The following PLEKHH2 variants were observed in gnomAD, a reference collection of about 807,000 sequenced individuals.
The protein encoded by PLEKHH2 is pleckstrin homology domain-containing family H member 2.
A neutral mutation model predicts 187.9 loss-of-function variants in PLEKHH2; 129 were observed. The ratio of observed to expected loss-of-function variants is 0.69; its 90% CI spans 0.59 to 0.79. PLEKHH2 has a LOEUF of 0.79. PLEKHH2 is among the 30% of genes least tolerant of loss of function. The pLI is 0.00. For synonymous variants in PLEKHH2, 686 were observed against 605.6 expected (o/e 1.13, Z -1.95); for missense variants, 2,076 against 1,751.2 (o/e 1.19, Z -3.31).
At position 43,732,800 on chromosome 2, in the gene PLEKHH2, C is replaced by G. The variant is rs1241492119; in HGVS notation, c.2943+1198C>G. On this transcript the variant is annotated intron_variant, in intron 19 of 29. Coordinates refer to ENST00000282406, the MANE Select transcript of PLEKHH2 (RefSeq NM_172069.4). ...TCCTTGGGACCCATAATTCCATGTA[C>G]TCTTCAGCCAGATCCCAACCTAGAT... 2.0e-5 allele frequency among the ~76,000 whole-genome samples: 3 copies of G among 152,084 alleles called. No homozygotes were observed. In the East Asian group the frequency reaches 5.8e-4, roughly 29 times the overall value.
At chr2:43,713,845 G>C (rs1670085484) in intron 15 of PLEKHH2, among the ~76,000 whole-genome samples, 1 of 152,024 alleles carries the variant, frequency 6.6e-6, no homozygotes. Context: ...CTACTGTGTA[G>C]TTTATACTTA....
At position 43,697,283 on chromosome 2, in the gene PLEKHH2, A is replaced by G; in HGVS notation, c.615A>G (p.Gln205=). 6.2e-7 allele frequency: 1 copy of G among 1,613,840 alleles called. No individual in the cohort carries two copies. The highest frequency in any genetic ancestry group is 8.5e-7 in the Non-Finnish European group (1 of 1,179,718). ...CFLSRARSPP[Q]VVKSEEMSKI... ...TATCTCGAGCAAGGAGTCCTCCTCA[A>G]GTAGTAAAATCTGAGGAAATGAGCA... is the stretch of plus-strand genomic sequence containing the variant. Residue 205 remains glutamine (Q), a synonymous_variant, in exon 7 of 30, where the codon CAA becomes CAG. Coordinates refer to ENST00000282406, the MANE Select transcript of PLEKHH2 (RefSeq NM_172069.4).
Position 43,738,387 on chromosome 2 carries a change from AT to A in PLEKHH2, c.2992del (p.Tyr998ThrfsTer5), listed in dbSNP as rs1395411197. 6.2e-7 allele frequency: 1 copy of A among 1,613,462 alleles called. No individual in the cohort carries two copies. The highest frequency in any genetic ancestry group is 8.5e-7 in the Non-Finnish European group (1 of 1,179,672). Reference sequence around the variant, plus strand: ...GCTGCAGTTGACTCTCCTGCAATTGATTACCACATATCTTTAGCCCAGAGTG... The same window carrying A: ...GCTGCAGTTGACTCTCCTGCAATTGATACCACATATCTTTAGCCCAGAGTG... ...INAAVDSPAI[D>X]YHISLAQSAL... On this transcript the variant is annotated frameshift_variant, in exon 20 of 30. Coordinates refer to ENST00000282406, the MANE Select transcript of PLEKHH2 (RefSeq NM_172069.4). LOFTEE classifies it high-confidence loss of function.
chr2:43,735,549 A>G (rs896586490), intron 19 of PLEKHH2, among the ~76,000 whole-genome samples: 19 of 152,216 alleles, frequency 1.2e-4, no homozygotes, highest in African/African-American at 3.4e-4. Flanking sequence ...GACTTAGAGT[A>G]TATTTCAAAA....
chr2:43,691,592 G>A (rs1668798202), intron 3 of PLEKHH2, among the ~76,000 whole-genome samples: 1 of 152,142 alleles, frequency 6.6e-6, no homozygotes, highest in African/African-American at 2.4e-5. Context: ...TGAAGGTTGG[G>A]TTTCACCAGG....
intron 2 of PLEKHH2, among the ~76,000 whole-genome samples, chr2:43,654,549 C>T (rs1394600329): frequency 7.0e-6 from 1 of 142,950 alleles, no homozygotes; most frequent in Non-Finnish European, 1.5e-5. Flanking sequence ...CCACTTAAAA[C>T]TCTTAACTCC....
At chr2:43,651,837 T>C (rs1444004394) in intron 2 of PLEKHH2, among the ~76,000 whole-genome samples, 1 of 152,222 alleles carries the variant, frequency 6.6e-6, no homozygotes, top group African/African-American at 2.4e-5. Context: ...TAAACACTAA[T>C]TTGAATTTTT....
At position 43,764,399 on chromosome 2, in the gene PLEKHH2, C is replaced by T. The variant is rs770436159; in HGVS notation, c.4296+34C>T. 4 of 1,601,126 alleles carry T rather than the reference C, an allele frequency of 2.5e-6. No individual in the cohort carries two copies. In the Admixed American group the frequency reaches 6.8e-5, roughly 27 times the overall value. On this transcript the variant is annotated intron_variant, in intron 29 of 29. Transcript: ENST00000282406. Reference sequence around the variant, plus strand: ...AAGCCTTTCTGCCAACTTTTTTGTCCTAGTTGTTTTCACTTAGTCTTAGCC... The same window carrying T: ...AAGCCTTTCTGCCAACTTTTTTGTCTTAGTTGTTTTCACTTAGTCTTAGCC...
chr2:43,678,148 G>T (rs1008018253), intron 2 of PLEKHH2, among the ~76,000 whole-genome samples: 3 of 151,280 alleles, frequency 2.0e-5, no homozygotes, highest in Non-Finnish European at 4.4e-5. Flanking sequence ...CATCTCAGAA[G>T]ATGGGTGGCC....
At chr2:43,703,450 A>C (rs1669489007) in intron 8 of PLEKHH2, among the ~76,000 whole-genome samples, 1 of 152,242 alleles carries the variant, frequency 6.6e-6, no homozygotes, top group African/African-American at 2.4e-5. Flanking sequence ...ACATTGACAT[A>C]GGAAGGCGAT....
chr2:43,649,669 T>C (rs1041917160), intron 2 of PLEKHH2, among the ~76,000 whole-genome samples: 4 of 152,254 alleles, frequency 2.6e-5, no homozygotes, highest in African/African-American at 7.2e-5. Context: ...ATTCTACATA[T>C]ACTAACAATG....
chr2:43,640,950 A>G (rs1574460814), intron 1 of PLEKHH2, among the ~76,000 whole-genome samples: 2 of 115,744 alleles, frequency 1.7e-5, no homozygotes, highest in South Asian at 6.0e-4. Context: ...TGCCTGGCTA[A>G]TTTTTTTTTT....
At chr2:43,751,252 G>T (rs745840141) in intron 24 of PLEKHH2, among the ~76,000 whole-genome samples, 1 of 152,234 alleles carries the variant, frequency 6.6e-6, no homozygotes, top group Non-Finnish European at 1.5e-5. Context: ...AGACTTTGCA[G>T]AGTGGTGACT....
intron 19 of PLEKHH2, among the ~76,000 whole-genome samples, chr2:43,735,547 G>A (rs1056528975): frequency 5.3e-5 from 8 of 152,126 alleles, no homozygotes; most frequent in Non-Finnish European, 1.0e-4. Context: ...AGGACTTAGA[G>A]TATATTTCAA....
intron 23 of PLEKHH2, 22 bp downstream of exon 23, chr2:43,744,011 G>A: frequency 1.2e-6 from 2 of 1,603,282 alleles, no homozygotes; most frequent in Non-Finnish European, 1.7e-6. Flanking sequence ...TCCTTTTCAG[G>A]AGCCAAGCCC....
intron 15 of PLEKHH2, among the ~76,000 whole-genome samples, chr2:43,717,229 C>G (rs1670256071): frequency 6.6e-6 from 1 of 152,134 alleles, no homozygotes; most frequent in African/African-American, 2.4e-5. Context: ...ACCAGCCTGG[C>G]CAACATGGTG....
At chr2:43,658,159 G>A (rs1666885518) in intron 2 of PLEKHH2, among the ~76,000 whole-genome samples, 1 of 152,156 alleles carries the variant, frequency 6.6e-6, no homozygotes, top group Non-Finnish European at 1.5e-5. Flanking sequence ...TACAGGGAGT[G>A]TACTTTTATC....
At chr2:43,724,942 TG>T (rs1456466173) in intron 16 of PLEKHH2, among the ~76,000 whole-genome samples, 2 of 152,192 alleles carry the variant, frequency 1.3e-5, no homozygotes, top group African/African-American at 4.8e-5. Context: ...ATCTGGGTCA[TG>T]GACACACACA....
Position 43,710,169 on chromosome 2 carries a change from G to T in PLEKHH2, c.2103+43G>T, listed in dbSNP as rs751025384. 75 of 1,611,058 alleles carry T rather than the reference G, an allele frequency of 4.7e-5. No individual in the cohort carries two copies. In the Middle Eastern group the frequency reaches 1.2e-3, roughly 25 times the overall value. On this transcript the variant is annotated intron_variant, in intron 12 of 29. Transcript: ENST00000282406. The stretch of plus-strand genomic sequence containing the variant: ...TTTTTAAAAAGCAGTCAGTCAGATT[G>T]AGCCTCCAAAAGGAAACTGAAAATG...
Sources: gnomAD v4.1 joint callset for allele counts (sites outside exome capture counted in the v4.1 genomes callset) on GRCh38, gnomAD v4.1.1 for gene constraint, MANE v1.5 for transcripts, NCBI Gene and HGNC (gene_info 2026-07-23, HGNC 2026-07-21) for gene names.